Variants in GOLGA1 observed in about 807,000 individuals in gnomAD.
GOLGA1 encodes the protein golgin A1.
In GOLGA1, 63 loss-of-function variants were observed where a neutral mutation model predicts 119.7. The ratio of observed to expected loss-of-function variants is 0.53; its 90% CI spans 0.43 to 0.65. The LOEUF is 0.65. GOLGA1 is among the 30% of genes least tolerant of loss of function. The pLI, the probability that GOLGA1 is intolerant of heterozygous loss-of-function variation, is 0.00. For missense variants in GOLGA1, 798 were observed against 912.8 expected (o/e 0.87, Z 1.62); for synonymous variants, 318 against 333.4 (o/e 0.95, Z 0.50).
rs1189641556 is a variant in GOLGA1, at chr9:124,878,991, A to C, written c.*1539T>G. On this transcript the variant is annotated 3_prime_UTR_variant, in exon 23 of 23. Coordinates refer to ENST00000373555, the MANE Select transcript of GOLGA1 (RefSeq NM_002077.4). ...CAAGGAGGAGCCAGAGGAGGAGGTT[A>C]GTCACTGGAGAAGCGGCCTCTGGAA... The C allele has an allele frequency of 6.6e-6, 1 of 152,234 alleles. No individual in the cohort carries two copies. Among genetic ancestry groups the C allele is most frequent in the Admixed American group, 6.5e-5 (1 of 15,272 alleles). The allele number at this position is 152,234 out of a possible 1,614,324, so 9.4% of individuals were successfully genotyped here. A position where few individuals can be genotyped will look rare whatever the true frequency, so the allele number is the denominator to read the frequency against.
upstream of GOLGA1, among the ~76,000 whole-genome samples, chr9:124,942,305 G>C (rs1382955219): frequency 6.6e-6 from 1 of 152,188 alleles, no homozygotes; most frequent in Non-Finnish European, 1.5e-5. Context: ...AGTACCCTAA[G>C]TCAGGTCCCT....
chr9:124,896,795 A>C (rs1829994904), intron 15 of GOLGA1, among the ~76,000 whole-genome samples: 1 of 151,978 alleles, frequency 6.6e-6, no homozygotes, highest in Non-Finnish European at 1.5e-5. Context: ...AAAATTAATA[A>C]ATTTTGCACA....
chr9:124,926,575 T>G (rs1427422777), intron 7 of GOLGA1, 134 bp downstream of exon 7: 18 of 736,790 alleles, frequency 2.4e-5, no homozygotes, highest in Non-Finnish European at 3.7e-5. Context: ...GCTTTTCAAG[T>G]CAGTATCTAA....
chr9:124,895,268 ATCCACAACAGAGAACCC>A (rs1171766427), intron 15 of GOLGA1, among the ~76,000 whole-genome samples: 51 of 139,098 alleles, frequency 3.7e-4, no homozygotes, highest in African/African-American at 1.1e-3. Context: ...ACAGAGAACC[ATCCACAACAGAGAACCC>A]TCCACAACAG....
chr9:124,909,947 A>T (rs904609166), intron 11 of GOLGA1, among the ~76,000 whole-genome samples: 29 of 151,562 alleles, frequency 1.9e-4, no homozygotes, highest in Middle Eastern at 3.4e-3. Flanking sequence ...TTATTTATTT[A>T]TTTTTTTGAG....
chr9:124,924,618 C>G (rs1183779913), intron 7 of GOLGA1, among the ~76,000 whole-genome samples: 2 of 122,418 alleles, frequency 1.6e-5, no homozygotes, highest in Admixed American at 2.1e-4. Context: ...GCCTGGGCAT[C>G]GTGGTGAGAC....
chr9:124,889,476 C>T lies in GOLGA1; in HGVS notation c.1558G>A (p.Val520Met), dbSNP rs1257822477. Reference sequence around the variant, plus strand: ...ATCTCCTGCTCTTTCTGGAGAAGCACTTCGGTTTTTTCCCGCAGATTCTGT... The same window carrying T: ...ATCTCCTGCTCTTTCTGGAGAAGCATTTCGGTTTTTTCCCGCAGATTCTGT... Reference protein sequence around the residue: ...KEQNLREKTEVLLQKEQEILQ... With the variant: ...KEQNLREKTEMLLQKEQEILQ... Residue 520 changes from valine (V) to methionine (M), a missense_variant, in exon 17 of 23, where the codon GTG becomes ATG. Transcript: ENST00000373555. The T allele has an allele frequency of 1.2e-6, 2 of 1,614,052 alleles. No individual in the cohort carries two copies. The highest frequency in any genetic ancestry group is 1.1e-5 in the South Asian group (1 of 91,086).
intron 11 of GOLGA1, 67 bp from the exon 12 acceptor site, chr9:124,908,539 C>A: frequency 1.2e-6 from 1 of 866,910 alleles, no homozygotes. Flanking sequence ...TACAGATTAT[C>A]TACAACATAT....
At chr9:124,933,066 G>A (rs1316770582) in intron 3 of GOLGA1, among the ~76,000 whole-genome samples, 2 of 152,072 alleles carry the variant, frequency 1.3e-5, no homozygotes, top group African/African-American at 2.4e-5. Context: ...GTGAGACATA[G>A]GAGACATCCT....
intron 12 of GOLGA1, among the ~76,000 whole-genome samples, chr9:124,907,119 A>G (rs149581865): frequency 1.2e-3 from 179 of 152,330 alleles, no homozygotes; most frequent in African/African-American, 4.1e-3. Flanking sequence ...ATATCACTAT[A>G]GTAATAAAAA....
intron 16 of GOLGA1, among the ~76,000 whole-genome samples, chr9:124,889,740 G>A (rs937655634): frequency 6.6e-6 from 1 of 152,120 alleles, no homozygotes; most frequent in African/African-American, 2.4e-5. Flanking sequence ...AGGGGCAGTC[G>A]CCTCCCACTG....
chr9:124,906,515 C>T (rs1328368530), intron 12 of GOLGA1, among the ~76,000 whole-genome samples: 3 of 151,972 alleles, frequency 2.0e-5, no homozygotes, highest in Non-Finnish European at 2.9e-5. Context: ...TTTGGGAGGC[C>T]AAGGCAGGCG....
At chr9:124,907,713 AT>A (rs1448646291) in intron 12 of GOLGA1, among the ~76,000 whole-genome samples, 1 of 152,238 alleles carries the variant, frequency 6.6e-6, no homozygotes, top group African/African-American at 2.4e-5. Context: ...GGCCAAACTC[AT>A]TAATCACCAT....
intron 11 of GOLGA1, among the ~76,000 whole-genome samples, chr9:124,910,002 C>T (rs973055330): frequency 2.6e-5 from 4 of 152,108 alleles, no homozygotes; most frequent in Admixed American, 1.3e-4. Context: ...GTGGCATGAT[C>T]TCAGCTCACT....
chr9:124,917,928 C>T (rs947808116), intron 10 of GOLGA1, among the ~76,000 whole-genome samples: 10 of 152,148 alleles, frequency 6.6e-5, no homozygotes, highest in Admixed American at 1.3e-4. Context: ...TCTCGGCTCA[C>T]TGCAACCTCC....
Position 124,921,180 on chromosome 9 carries a change from C to T in GOLGA1, c.792G>A (p.Lys264=), listed in dbSNP as rs1564340137. The T allele has an allele frequency of 3.7e-6, 6 of 1,613,240 alleles. No individual in the cohort carries two copies. In the Admixed American group the frequency reaches 8.3e-5, roughly 22 times the overall value. The change falls in exon 10 of 23, where the codon AAG becomes AAA. Residue 264 remains lysine (K), a synonymous_variant. Transcript: ENST00000373555. Reference sequence around the variant, plus strand: ...GAATGAGTGCTTGGAGCTCTTGTTCCTTTTGTTCCAGGGCTGTGATCTTAC... The same window carrying T: ...GAATGAGTGCTTGGAGCTCTTGTTCTTTTTGTTCCAGGGCTGTGATCTTAC... The part of the protein sequence containing the change: ...AESKITALEQ[K]EQELQALIQQ...
chr9:124,891,978 C>G (rs141046551), intron 15 of GOLGA1, among the ~76,000 whole-genome samples: 11 of 151,756 alleles, frequency 7.2e-5, no homozygotes, highest in Non-Finnish European at 2.9e-5. Flanking sequence ...ATTCCTGAGA[C>G]AGTTTCATTT....
chr9:124,937,939 C>T (rs954451500), intron 3 of GOLGA1, among the ~76,000 whole-genome samples: 63 of 151,684 alleles, frequency 4.2e-4, no homozygotes, highest in African/African-American at 1.5e-3. Flanking sequence ...AAAAATTAGC[C>T]AGGCATGGTG....
chr9:124,915,605 T>G (rs186579064), intron 10 of GOLGA1, among the ~76,000 whole-genome samples: 52 of 152,208 alleles, frequency 3.4e-4, no homozygotes, highest in African/African-American at 1.0e-3. Flanking sequence ...ATCCCAGCAC[T>G]GTGAGAGGCC....
Sources: allele counts gnomAD v4.1 joint callset (sites outside exome capture counted in the v4.1 genomes callset), GRCh38; gene constraint gnomAD v4.1.1; transcripts MANE v1.5; gene names NCBI Gene and HGNC (gene_info 2026-07-23, HGNC 2026-07-21).